The following DHRS7B variants were observed in gnomAD, a reference collection of about 807,000 sequenced individuals.
DHRS7B encodes the protein peroxisomal reductase activating PPAR-gamma.
DHRS7B carries 24 observed loss-of-function variants against 26.4 expected under a neutral mutation model. The observed-to-expected ratio is 0.91, with a 90% confidence interval of 0.66 to 1.28. The LOEUF (loss-of-function observed/expected upper bound fraction) is 1.28, where lower values mean the gene tolerates loss of function less well. DHRS7B is among the 50% of genes most tolerant of loss of function. The pLI is 0.00. For missense variants in DHRS7B, 368 were observed against 419.4 expected, an observed-to-expected ratio of 0.88 and a Z score of 1.07; for synonymous variants, 142 against 166.4, an observed-to-expected ratio of 0.85 and a Z score of 1.13.
chr17:21,140,028 T>TTTTTTC (rs1973457826), intron 1 of DHRS7B, among the ~76,000 whole-genome samples: 1 of 50,228 alleles, frequency 2.0e-5, no homozygotes, highest in African/African-American at 7.1e-5. Flanking sequence ...GATTCTTTTT[T>TTTTTTC]TTTTTTTTTT....
At chr17:21,163,273 G>T (rs1243525242) in intron 1 of DHRS7B, among the ~76,000 whole-genome samples, 1 of 151,910 alleles carries the variant, frequency 6.6e-6, no homozygotes, top group African/African-American at 2.4e-5. Flanking sequence ...AAACGGCTTT[G>T]GTACATTGTC....
chr17:21,127,083 G>T, intron 1 of DHRS7B, 92 bp downstream of exon 1: 1 of 1,362,032 alleles, frequency 7.3e-7, no homozygotes, highest in South Asian at 1.6e-5. Context: ...AGGGGAAGCG[G>T]TGTAGTGGTC....
chr17:21,168,821 A>G (rs558395321), intron 1 of DHRS7B: 6 of 985,352 alleles, frequency 6.1e-6, no homozygotes, highest in Non-Finnish European at 7.2e-6. Flanking sequence ...AGTGGTCTCC[A>G]GGGCCAGGAG....
chr17:21,188,780 T>A lies in DHRS7B; in HGVS notation c.689T>A (p.Ile230Asn). ...CGTGCCGAGATGGAACAGTATGAAATTGAGGTGACCGTCATCAGCCCCGGC... is the reference window on the plus strand; with the variant it reads ...CGTGCCGAGATGGAACAGTATGAAAATGAGGTGACCGTCATCAGCCCCGGC... ...CLRAEMEQYE[I>N]EVTVISPGYI... Residue 230 changes from isoleucine (I) to asparagine (N), a missense_variant, in exon 6 of 7, where the codon ATT becomes AAT. By Grantham distance (149) the Ile-to-Asn change is moderately radical. Coordinates refer to ENST00000395511, the MANE Select transcript of DHRS7B (RefSeq NM_015510.5). The A allele has an allele frequency of 6.2e-7, 1 of 1,614,034 alleles. No homozygotes were observed. Among genetic ancestry groups the A allele is most frequent in the Middle Eastern group, 1.6e-4 (1 of 6,062 alleles).
At chr17:21,165,345 T>G (rs1416377986) in intron 1 of DHRS7B, among the ~76,000 whole-genome samples, 1 of 152,080 alleles carries the variant, frequency 6.6e-6, no homozygotes, top group East Asian at 1.9e-4. Flanking sequence ...TATTCACTTT[T>G]TTTTTCTTTT....
intron 1 of DHRS7B, among the ~76,000 whole-genome samples, chr17:21,156,109 T>C (rs1973873143): frequency 6.6e-6 from 1 of 151,920 alleles, no homozygotes; most frequent in Admixed American, 6.6e-5. Flanking sequence ...TAATAAAAAT[T>C]AGAGCAGAAA....
At chr17:21,133,695 A>G (rs567596915) in intron 1 of DHRS7B, among the ~76,000 whole-genome samples, 6 of 152,228 alleles carry the variant, frequency 3.9e-5, no homozygotes, top group Non-Finnish European at 7.3e-5. Flanking sequence ...CTCAAGTTTC[A>G]TCTGATCTCT....
chr17:21,155,349 C>T (rs368131897), intron 1 of DHRS7B, among the ~76,000 whole-genome samples: 3 of 152,316 alleles, frequency 2.0e-5, no homozygotes, highest in East Asian at 3.9e-4. Flanking sequence ...AGCTATATTT[C>T]TACACAGAGT....
rs554746975 is a variant in DHRS7B at position 21,186,303 on chromosome 17, G to A, written c.619+1840G>A. On this transcript the variant is annotated intron_variant, in intron 5 of 6. Coordinates refer to ENST00000395511, the MANE Select transcript of DHRS7B (RefSeq NM_015510.5). ...TGGCAGGGTAAGTGATGTGGCCAGC[G>A]GCGAGGTCAGCACAGCCTGGCTGAG... Among the ~76,000 whole-genome samples, 6 of 152,352 alleles carry A rather than the reference G, an allele frequency of 3.9e-5. No individual in the cohort carries two copies. The East Asian group carries it at 5.8e-4, about 15-fold the overall frequency.
intron 3 of DHRS7B, among the ~76,000 whole-genome samples, chr17:21,179,959 C>T (rs948495617): frequency 4.0e-5 from 6 of 150,450 alleles, no homozygotes; most frequent in Non-Finnish European, 7.4e-5. Context: ...AGAGACGGGG[C>T]TTCTCCATAT....
chr17:21,133,797 G>C lies in DHRS7B; in HGVS notation c.20+6806G>C, dbSNP rs9674556. Among the ~76,000 whole-genome samples, 1,365 of 152,218 alleles carry C rather than the reference G, an allele frequency of 9.0e-3. 28 individuals carry two copies. Among genetic ancestry groups the C allele is most frequent in the African/African-American group, 0.031 (1,287 of 41,526 alleles). On this transcript the variant is annotated intron_variant, in intron 1 of 6. Coordinates refer to ENST00000395511, the MANE Select transcript of DHRS7B (RefSeq NM_015510.5). ...TCTCATGTCCTGTGAAGAGAAAATG[G>C]GGGGAGGAAGGGAGAAAAACAACAA... is the stretch of plus-strand genomic sequence containing the variant.
Position 21,172,024 on chromosome 17 carries a change from T to A in DHRS7B, c.27T>A (p.Ser9Arg). ...TTGGTTTTGGTTCTTCCAGGAAGAG[T>A]CTGCCGAAGGTGAAGGCCATGGACT... MVSPATRK[S>R]LPKVKAMDFI... The change falls in exon 2 of 7, where the codon AGT (serine) becomes AGA (arginine). Residue 9 changes from serine to arginine, a missense_variant. Physicochemically the swap from Ser to Arg is moderately radical, Grantham distance 110 (BLOSUM62 -1). Coordinates refer to ENST00000395511, the MANE Select transcript of DHRS7B (RefSeq NM_015510.5). 6.2e-7 allele frequency: 1 copy of A among 1,614,030 alleles called. No homozygotes were observed. The highest frequency in any genetic ancestry group is 8.5e-7 in the Non-Finnish European group (1 of 1,179,990).
In DHRS7B at chr17:21,151,291, G is replaced by A. The variant is rs866859718; in HGVS notation, c.21-20727G>A. 2.6e-5 allele frequency among the ~76,000 whole-genome samples: 4 copies of A among 152,130 alleles called. No homozygotes were observed. The South Asian group carries it at 8.3e-4, about 32-fold the overall frequency. On this transcript the variant is annotated intron_variant, in intron 1 of 6. Transcript: ENST00000395511. ...GGAGGCCTAGGCAGGTGGATCATGA[G>A]GTTGGAGTTCAAGACCAGCCTGGCC...
At chr17:21,129,092 A>C (rs2143834210) in intron 1 of DHRS7B, among the ~76,000 whole-genome samples, 1 of 152,318 alleles carries the variant, frequency 6.6e-6, no homozygotes, top group African/African-American at 2.4e-5. Context: ...ATGATGATCA[A>C]AACAGATAAA....
intron 1 of DHRS7B, among the ~76,000 whole-genome samples, chr17:21,160,565 A>G (rs1243931539): frequency 1.3e-5 from 2 of 152,220 alleles, no homozygotes; most frequent in Non-Finnish European, 2.9e-5. Context: ...CAGAACATTG[A>G]CATCACCAAA....
intron 3 of DHRS7B, among the ~76,000 whole-genome samples, chr17:21,183,071 A>T (rs772402481): frequency 6.6e-6 from 1 of 152,182 alleles, no homozygotes; most frequent in South Asian, 2.1e-4. Context: ...TATCTGTTAG[A>T]AGTCTCCTGA....
At chr17:21,184,340 C>T (rs189960572) in intron 4 of DHRS7B, 31 bp from the exon 5 acceptor site, 33 of 1,581,834 alleles carry the variant, frequency 2.1e-5, no homozygotes, top group Admixed American at 1.3e-4. Context: ...GGAAGTAGGG[C>T]GCTTGCCTAA....
At chr17:21,142,186 G>T (rs1243617697) in intron 1 of DHRS7B, among the ~76,000 whole-genome samples, 1 of 152,202 alleles carries the variant, frequency 6.6e-6, no homozygotes, top group Non-Finnish European at 1.5e-5. Context: ...GGGTCCACGT[G>T]AGAGGGTCAT....
At chr17:21,182,311 C>T (rs1010180893) in intron 3 of DHRS7B, among the ~76,000 whole-genome samples, 3 of 151,534 alleles carry the variant, frequency 2.0e-5, no homozygotes, top group Admixed American at 1.3e-4. Flanking sequence ...TGCAATGGTG[C>T]GATCTCGGCT....
Sources: allele counts gnomAD v4.1 joint callset (sites outside exome capture counted in the v4.1 genomes callset), GRCh38; gene constraint gnomAD v4.1.1; transcripts MANE v1.5; gene names NCBI Gene and HGNC (gene_info 2026-07-23, HGNC 2026-07-21).